Variants in THSD4 observed in about 807,000 individuals in gnomAD.
The protein encoded by THSD4 is thrombospondin type-1 domain-containing protein 4.
THSD4 carries 69 observed loss-of-function variants against 119.0 expected under a neutral mutation model. The ratio of observed to expected loss-of-function variants is 0.58; its 90% CI spans 0.48 to 0.71. THSD4 has a LOEUF of 0.71. Among genes scored for constraint, THSD4 ranks in the 30% least tolerant of loss-of-function variants. The probability of loss-of-function intolerance (pLI) is 0.00; values close to 1 mark genes in which losing one functional copy is unlikely to be tolerated. For missense variants in THSD4, 1,393 were observed against 1,391.1 expected (o/e 1.00, Z -0.02); for synonymous variants, 524 against 540.4 (o/e 0.97, Z 0.42).
At chr15:71,391,783 G>A (rs2046382661) in intron 6 of THSD4, among the ~76,000 whole-genome samples, 1 of 152,098 alleles carries the variant, frequency 6.6e-6, no homozygotes, top group Non-Finnish European at 1.5e-5. Context: ...AGGAGACGAT[G>A]GCCTCTCAGA....
intron 6 of THSD4, among the ~76,000 whole-genome samples, chr15:71,329,731 G>T (rs1231160428): frequency 1.3e-5 from 2 of 152,138 alleles, no homozygotes; most frequent in Non-Finnish European, 2.9e-5. Flanking sequence ...ACAGGGCTGT[G>T]GTAACAATAA....
intron 7 of THSD4, among the ~76,000 whole-genome samples, chr15:71,477,891 C>G (rs1005160833): frequency 9.2e-5 from 14 of 152,218 alleles, no homozygotes; most frequent in Non-Finnish European, 1.0e-4. Flanking sequence ...CAAACTATCT[C>G]ACTGCTTGCT....
intron 6 of THSD4, among the ~76,000 whole-genome samples, chr15:71,344,995 A>G (rs1351382848): frequency 6.6e-6 from 1 of 152,048 alleles, no homozygotes; most frequent in Admixed American, 6.6e-5. Flanking sequence ...GGTAGCAAGC[A>G]GTGTGTGGGT....
intron 8 of THSD4, among the ~76,000 whole-genome samples, chr15:71,682,927 T>TC: frequency 7.4e-6 from 1 of 135,414 alleles, no homozygotes; most frequent in East Asian, 2.2e-4. Context: ...CTTCTTTTTT[T>TC]TTTTTTTTTT....
chr15:71,204,903 G>A (rs1208580155), intron 3 of THSD4, among the ~76,000 whole-genome samples: 1 of 152,144 alleles, frequency 6.6e-6, no homozygotes, highest in Admixed American at 6.5e-5. Context: ...TCAAAATGCA[G>A]GAAATTTGAG....
chr15:71,103,520 G>A (rs924229095), intron 1 of THSD4, among the ~76,000 whole-genome samples: 1 of 152,058 alleles, frequency 6.6e-6, no homozygotes, highest in Non-Finnish European at 1.5e-5. Flanking sequence ...GCAAGCTTGG[G>A]CTTCAGTTTC....
chr15:71,198,630 G>C (rs995425663), intron 3 of THSD4, among the ~76,000 whole-genome samples: 2 of 152,200 alleles, frequency 1.3e-5, no homozygotes, highest in Non-Finnish European at 2.9e-5. Flanking sequence ...GGGTCAGAAG[G>C]ATGCTCAAAT....
Position 71,161,924 on chromosome 15 carries a change from G to T in THSD4, c.99+6992G>T, listed in dbSNP as rs563153419. The stretch of plus-strand genomic sequence containing the variant: ...TATCTGTTGTAATTTCTTTCTTTGT[G>T]GTTACCATGGGGATAGCATAAATAG... On this transcript the variant is annotated intron_variant, in intron 3 of 17. Coordinates refer to ENST00000261862, the MANE Select transcript of THSD4 (RefSeq NM_024817.3). Among the ~76,000 whole-genome samples, 11 of 151,800 alleles carry T rather than the reference G, an allele frequency of 7.2e-5. No homozygotes were observed. The South Asian group carries it at 1.3e-3, about 17-fold the overall frequency.
At chr15:71,758,420 G>A (rs1281054438) in intron 15 of THSD4, among the ~76,000 whole-genome samples, 1 of 152,176 alleles carries the variant, frequency 6.6e-6, no homozygotes, top group African/African-American at 2.4e-5. Flanking sequence ...ATGAAATTGT[G>A]TACATAAAGT....
chr15:71,703,586 G>A (rs377580371), intron 8 of THSD4, among the ~76,000 whole-genome samples: 12 of 152,100 alleles, frequency 7.9e-5, no homozygotes, highest in African/African-American at 2.9e-4. Context: ...ACTGGGGACA[G>A]GTCTTACATA....
intron 7 of THSD4, among the ~76,000 whole-genome samples, chr15:71,448,735 A>AG (rs2047223320): frequency 5.3e-5 from 8 of 152,196 alleles, no homozygotes; most frequent in Non-Finnish European, 1.0e-4. Flanking sequence ...AGGAAGATGT[A>AG]GGAAGGAATG....
chr15:71,194,026 T>A (rs560635927), intron 3 of THSD4, among the ~76,000 whole-genome samples: 3 of 152,326 alleles, frequency 2.0e-5, no homozygotes, highest in African/African-American at 7.2e-5. Context: ...TCTGATGGTT[T>A]TATAAGGGGC....
At chr15:71,713,516 A>C (rs1396966752) in intron 8 of THSD4, among the ~76,000 whole-genome samples, 7 of 152,182 alleles carry the variant, frequency 4.6e-5, no homozygotes, top group Non-Finnish European at 4.4e-5. Flanking sequence ...CGTTTTATTG[A>C]TGTCATGCTC....
intron 4 of THSD4, among the ~76,000 whole-genome samples, chr15:71,227,671 A>C (rs1044746973): frequency 6.6e-6 from 1 of 152,200 alleles, no homozygotes; most frequent in Non-Finnish European, 1.5e-5. Context: ...AGTCCCCAGC[A>C]TCCTGCTCCA....
chr15:71,338,395 A>G (rs565035797), intron 6 of THSD4, among the ~76,000 whole-genome samples: 114 of 151,878 alleles, frequency 7.5e-4, no homozygotes, highest in Non-Finnish European at 1.5e-3. Context: ...ACACTTATAG[A>G]TATCAGGGAG....
chr15:71,728,456 G>C (rs926039126), intron 8 of THSD4, 93 bp from the exon 9 acceptor site: 1 of 1,471,456 alleles, frequency 6.8e-7, no homozygotes, highest in Non-Finnish European at 9.3e-7. Context: ...CAAAAACCTT[G>C]ATGAATGAAG....
chr15:71,548,101 T>TTG (rs2048868177), intron 7 of THSD4, among the ~76,000 whole-genome samples: 1 of 151,708 alleles, frequency 6.6e-6, no homozygotes, highest in Non-Finnish European at 1.5e-5. Context: ...GGTACAGTTT[T>TTG]TTTTTTTTTT....
chr15:71,665,468 G>C (rs2051399034), intron 8 of THSD4, among the ~76,000 whole-genome samples: 1 of 152,142 alleles, frequency 6.6e-6, no homozygotes, highest in South Asian at 2.1e-4. Context: ...TCTGTTGACA[G>C]TTTCTTTTGC....
chr15:71,168,650 T>A (rs2043319414), intron 3 of THSD4, among the ~76,000 whole-genome samples: 1 of 152,110 alleles, frequency 6.6e-6, no homozygotes, highest in Non-Finnish European at 1.5e-5. Flanking sequence ...GATAAGCAGG[T>A]CACGATGCAA....
Sources: allele counts gnomAD v4.1 joint callset (sites outside exome capture counted in the v4.1 genomes callset), GRCh38; gene constraint gnomAD v4.1.1; transcripts MANE v1.5; gene names NCBI Gene and HGNC (gene_info 2026-07-23, HGNC 2026-07-21).